WDR27: variants seen among roughly 807,000 people sequenced by gnomAD.
WDR27 encodes WD repeat-containing protein 27.
WDR27 carries 100 observed loss-of-function variants against 114.4 expected under a neutral mutation model. The ratio of observed to expected loss-of-function variants is 0.87; its 90% confidence interval spans 0.74 to 1.03. WDR27 has a LOEUF of 1.03. WDR27 is among the 50% of genes least tolerant of loss of function. The pLI is 0.00. For synonymous variants in WDR27, 449 were observed against 423.1 expected (o/e 1.06, Z -0.75); for missense variants, 1,129 against 1,092.9 (o/e 1.03, Z -0.47).
intron 25 of WDR27, among the ~76,000 whole-genome samples, chr6:169,567,016 T>C (rs574611992): frequency 1.3e-5 from 2 of 152,304 alleles, no homozygotes; most frequent in East Asian, 3.9e-4. Flanking sequence ...GGGCAATGCC[T>C]GAGAGCCTCA....
chr6:169,636,253 A>G (rs1253082520), intron 19 of WDR27, 118 bp downstream of exon 19: 4 of 1,209,620 alleles, frequency 3.3e-6, no homozygotes, highest in Non-Finnish European at 4.6e-6. Flanking sequence ...GAGTTTGGTG[A>G]TATGAGGTCA....
intron 22 of WDR27, among the ~76,000 whole-genome samples, chr6:169,609,225 TCTGGAGGATGGTGGC>T (rs2128180620): frequency 6.6e-6 from 1 of 152,160 alleles, no homozygotes; most frequent in East Asian, 2.0e-4. Flanking sequence ...CATTCTGGGG[TCTGGAGGATGGTGGC>T]CCTCTTCTCA....
intron 6 of WDR27, chr6:169,666,914 G>A: frequency 1.0e-6 from 1 of 985,460 alleles, no homozygotes; most frequent in South Asian, 4.7e-5. Context: ...GAAAGGCCCA[G>A]ACTCCAAGCA....
the WDR27 span, among the ~76,000 whole-genome samples, chr6:169,444,792 G>T: frequency 3.9e-5 from 6 of 152,102 alleles, no homozygotes; most frequent in Non-Finnish European, 7.4e-5. Context: ...ATATACAGGG[G>T]CCTCTGTCAT....
intron 21 of WDR27, among the ~76,000 whole-genome samples, chr6:169,628,011 G>A (rs1048366223): frequency 3.3e-5 from 5 of 152,220 alleles, no homozygotes; most frequent in African/African-American, 9.6e-5. Flanking sequence ...GGGGTGACTC[G>A]GCGCCATGGT....
intron 1 of WDR27, among the ~76,000 whole-genome samples, chr6:169,694,165 G>C (rs575678931): frequency 1.3e-5 from 2 of 151,984 alleles, no homozygotes; most frequent in Non-Finnish European, 2.9e-5. Context: ...AAAATTAGCC[G>C]GGCGTGGTGG....
chr6:169,660,373 G>A (rs896638908), intron 10 of WDR27, among the ~76,000 whole-genome samples: 1 of 152,168 alleles, frequency 6.6e-6, no homozygotes, highest in Non-Finnish European at 1.5e-5. Flanking sequence ...GGGTGTTCCT[G>A]CAGGTGTTCC....
At chr6:169,502,899 A>C (rs1040406664) in intron 25 of WDR27, among the ~76,000 whole-genome samples, 3 of 152,196 alleles carry the variant, frequency 2.0e-5, no homozygotes, top group African/African-American at 4.8e-5. Context: ...GGATTTGCTG[A>C]GGAGGGTCTT....
At chr6:169,650,791 T>A (rs747702556) in intron 14 of WDR27, among the ~76,000 whole-genome samples, 1 of 146,426 alleles carries the variant, frequency 6.8e-6, no homozygotes, top group African/African-American at 2.6e-5. Flanking sequence ...CATCTCTCCA[T>A]CCCTCCACCC....
chr6:169,602,570 T>G (rs1808227719), intron 22 of WDR27, among the ~76,000 whole-genome samples: 1 of 152,172 alleles, frequency 6.6e-6, no homozygotes, highest in Non-Finnish European at 1.5e-5. Flanking sequence ...CTTTTATATG[T>G]GATAAATATT....
chr6:169,540,268 C>T (rs73792928), intron 25 of WDR27, among the ~76,000 whole-genome samples: 2,482 of 152,252 alleles, frequency 0.016, 63 homozygotes, highest in African/African-American at 0.057. Flanking sequence ...ACATAACTTG[C>T]TTATGATCAC....
intron 25 of WDR27, among the ~76,000 whole-genome samples, chr6:169,508,317 A>G (rs1057155748): frequency 1.3e-5 from 2 of 152,250 alleles, no homozygotes; most frequent in African/African-American, 4.8e-5. Context: ...TTGTTAGCCA[A>G]ATGAGGAAAG....
At chr6:169,612,004 C>T (rs1464938371) in intron 22 of WDR27, among the ~76,000 whole-genome samples, 5 of 152,070 alleles carry the variant, frequency 3.3e-5, no homozygotes, top group East Asian at 1.9e-4. Context: ...GGCGTGGTGG[C>T]GCATGCCTAC....
intron 25 of WDR27, among the ~76,000 whole-genome samples, chr6:169,539,276 C>A (rs1796563882): frequency 6.6e-6 from 1 of 152,184 alleles, no homozygotes; most frequent in Admixed American, 6.5e-5. Context: ...GGATCTCCCC[C>A]ATCGCCCCAA....
chr6:169,633,120 G>A (rs1816826251), intron 20 of WDR27, 52 bp from the exon 21 acceptor site: 2 of 1,522,036 alleles, frequency 1.3e-6, no homozygotes, highest in Non-Finnish European at 1.8e-6. Flanking sequence ...CCATGGGGAA[G>A]GGACAGTTCC....
chr6:169,645,347 G>T (rs1283531701), intron 16 of WDR27, among the ~76,000 whole-genome samples: 4 of 151,628 alleles, frequency 2.6e-5, no homozygotes, highest in African/African-American at 9.7e-5. Flanking sequence ...GAAATTCCTA[G>T]TTCACACGAG....
chr6:169,476,242 C>T (rs993504425), intron 25 of WDR27, among the ~76,000 whole-genome samples: 1 of 152,170 alleles, frequency 6.6e-6, no homozygotes, highest in Non-Finnish European at 1.5e-5. Context: ...CATAAAACCC[C>T]TCGTGGCTTG....
intron 9 of WDR27, among the ~76,000 whole-genome samples, 185 bp downstream of exon 9, chr6:169,662,119 A>C (rs971379951): frequency 6.6e-6 from 1 of 152,260 alleles, no homozygotes; most frequent in African/African-American, 2.4e-5. Context: ...ACACTTACGT[A>C]TCATTGCCCA....
chr6:169,556,127 G>C (rs745613748), intron 25 of WDR27, among the ~76,000 whole-genome samples: 1 of 152,210 alleles, frequency 6.6e-6, no homozygotes, highest in Non-Finnish European at 1.5e-5. Context: ...CTTGCTGGCT[G>C]TGAGGAGGCA....
Sources: allele counts gnomAD v4.1 joint callset (sites outside exome capture counted in the v4.1 genomes callset), GRCh38; gene constraint gnomAD v4.1.1; transcripts MANE v1.5; gene names NCBI Gene and HGNC (gene_info 2026-07-23, HGNC 2026-07-21).